Variants in TARS3 observed in about 807,000 individuals in gnomAD.
TARS3 encodes threonine--tRNA ligase 2, cytoplasmic.
TARS3 carries 94 observed loss-of-function variants against 103.5 expected under a neutral mutation model. The ratio of observed to expected loss-of-function variants is 0.91; its 90% CI spans 0.77 to 1.08. TARS3 has a LOEUF of 1.08. Among genes scored for constraint, TARS3 ranks in the 50% least tolerant of loss-of-function variants. The pLI is 0.00. For missense variants in TARS3, 952 were observed against 995.2 expected (o/e 0.96, Z 0.58); for synonymous variants, 416 against 355.4 (o/e 1.17, Z -1.92).
rs28634118 is a variant in TARS3, at chr15:101,653,615, G to C, written c.*967C>G. 3 of 151,952 alleles carry C rather than the reference G, an allele frequency of 2.0e-5. No individual in the cohort carries two copies. The highest frequency in any genetic ancestry group is 4.4e-5 in the Non-Finnish European group (3 of 67,844). 9.4% of individuals were successfully genotyped at this position (151,952 alleles called of 1,614,324 possible). A position where few individuals can be genotyped will look rare whatever the true frequency, so the allele number is the denominator to read the frequency against. On this transcript the variant is annotated 3_prime_UTR_variant, in exon 19 of 19. Coordinates refer to ENST00000335968, the MANE Select transcript of TARS3 (RefSeq NM_152334.3). ...ACACAAGCCTGATATATATTGTTTT[G>C]TTTGCCAACTGTTTCACTGTTCACA...
At chr15:101,712,814 C>G (rs1331149356) in intron 4 of TARS3, among the ~76,000 whole-genome samples, 1 of 152,164 alleles carries the variant, frequency 6.6e-6, no homozygotes, top group Non-Finnish European at 1.5e-5. Context: ...AAGCAAGTTA[C>G]AATTAAAAAG....
At chr15:101,698,523 G>A (rs771032215) in intron 10 of TARS3, among the ~76,000 whole-genome samples, 9 of 151,978 alleles carry the variant, frequency 5.9e-5, no homozygotes, top group Admixed American at 1.3e-4. Context: ...AGTGATGACC[G>A]GTAGATACCA....
At chr15:101,686,800 T>A (rs1342763752) in intron 10 of TARS3, among the ~76,000 whole-genome samples, 1 of 151,870 alleles carries the variant, frequency 6.6e-6, no homozygotes, top group Non-Finnish European at 1.5e-5. Flanking sequence ...TTAATTTGGA[T>A]GAACACAAAA....
intron 16 of TARS3, among the ~76,000 whole-genome samples, chr15:101,661,304 A>T (rs1897368566): frequency 6.6e-6 from 1 of 151,662 alleles, no homozygotes; most frequent in Non-Finnish European, 1.5e-5. Context: ...AGGGAACCCC[A>T]AAGGCAAACA....
rs984054442 is a variant in TARS3 at position 101,690,404 on chromosome 15, G to A, written c.1321-4342C>T. Among the ~76,000 whole-genome samples the A allele has an allele frequency of 9.8e-4, 149 of 152,280 alleles. 1 individual carries two copies. The highest frequency in any genetic ancestry group is 1.8e-4 in the Non-Finnish European group (12 of 68,028). On this transcript the variant is annotated intron_variant, in intron 10 of 18. Transcript: ENST00000335968. ...AAAATAAGGTGTATAAAGAAAACCT[G>A]AACATTTTCTCTCATTCCACCCTTT...
At chr15:101,656,141 T>C in intron 18 of TARS3, 1 of 1,005,618 alleles carries the variant, frequency 9.9e-7, no homozygotes, top group Non-Finnish European at 1.4e-6. Flanking sequence ...GCTCTTCTAG[T>C]GGTTTGGCTA....
intron 10 of TARS3, among the ~76,000 whole-genome samples, chr15:101,696,975 C>A (rs1198244894): frequency 1.3e-5 from 2 of 152,172 alleles, no homozygotes; most frequent in African/African-American, 4.8e-5. Flanking sequence ...GTCTCCACCC[C>A]AAAGTGAACA....
intron 10 of TARS3, among the ~76,000 whole-genome samples, chr15:101,700,684 A>G (rs1380304699): frequency 6.6e-6 from 1 of 150,438 alleles, no homozygotes; most frequent in African/African-American, 2.5e-5. Context: ...TTGCTCTGTC[A>G]CCAGGCTGGA....
Position 101,675,596 on chromosome 15 carries a change from T to C in TARS3, c.1788+4A>G. 1 of 1,612,320 alleles carries C rather than the reference T, an allele frequency of 6.2e-7. No homozygotes were observed. Among genetic ancestry groups the C allele is most frequent in the Non-Finnish European group, 8.5e-7 (1 of 1,179,426 alleles). ...GAAGAGGAAGCACAAGGTGTGTCTCTTACCTTCTCAGCCTCATTCCACATC... is the reference window on the plus strand; with the variant it reads ...GAAGAGGAAGCACAAGGTGTGTCTCCTACCTTCTCAGCCTCATTCCACATC... On this transcript the variant is annotated splice_donor_region_variant and intron_variant, in intron 13 of 18. Coordinates refer to ENST00000335968, the MANE Select transcript of TARS3 (RefSeq NM_152334.3).
rs1331891909 is a variant in TARS3 at position 101,724,128 on chromosome 15, C to A, written c.260G>T (p.Ser87Ile). 7.0e-7 allele frequency: 1 copy of A among 1,419,866 alleles called. No homozygotes were observed. The highest frequency in any genetic ancestry group is 9.2e-7 in the Non-Finnish European group (1 of 1,087,340). The allele number at this position is 1,419,866 out of a possible 1,614,324, so 88.0% of individuals were successfully genotyped here. The change falls in exon 1 of 19, where the codon AGC becomes ATC. Residue 87 changes from serine to isoleucine, a missense_variant. Transcript: ENST00000335968. Reference sequence around the variant, plus strand: ...CTCCTGCGCCGCCTCTAGCTCCGCGCTCTCCAGCGTGGCCTGGCGGCTCCG... The same window carrying A: ...CTCCTGCGCCGCCTCTAGCTCCGCGATCTCCAGCGTGGCCTGGCGGCTCCG... ...EERSRQATLE[S>I]AELEAAQEAG...
rs150865633 is a variant in TARS3 at position 101,717,829 on chromosome 15, G to A, written c.567-2866C>T. Among the ~76,000 whole-genome samples, 1,027 of 152,310 alleles carry A rather than the reference G, an allele frequency of 6.7e-3. 14 individuals carry two copies. The highest frequency in any genetic ancestry group is 0.023 in the African/African-American group (952 of 41,564). ...CTTTGACCATATTCAAGCGACTTGA[G>A]TTTTTTGTGATGTCTTTGTTGTAGC... On this transcript the variant is annotated intron_variant, in intron 3 of 18. Coordinates refer to ENST00000335968, the MANE Select transcript of TARS3 (RefSeq NM_152334.3).
chr15:101,698,592 T>A (rs1899098418), intron 10 of TARS3, among the ~76,000 whole-genome samples: 1 of 152,156 alleles, frequency 6.6e-6, no homozygotes, highest in Admixed American at 6.5e-5. Context: ...CCTTTTTGAG[T>A]AAGACTATCT....
rs142675356 is a variant in TARS3, at chr15:101,710,272, G to A, written c.813-1362C>T. Among the ~76,000 whole-genome samples the A allele has an allele frequency of 4.7e-3, 721 of 152,274 alleles. 7 individuals are homozygous for A. The highest frequency in any genetic ancestry group is 0.031 in the Middle Eastern group (9 of 294). On this transcript the variant is annotated intron_variant, in intron 5 of 18. Coordinates refer to ENST00000335968, the MANE Select transcript of TARS3 (RefSeq NM_152334.3). ...CACCATAAGCATCTTTCATCAGGCT[G>A]TTCATCTCTATCCTTTGTAACATCC...
chr15:101,723,632 A>G (rs1415475031), intron 1 of TARS3, among the ~76,000 whole-genome samples: 3 of 152,232 alleles, frequency 2.0e-5, no homozygotes, highest in Non-Finnish European at 1.5e-5. Context: ...ATATACAGCT[A>G]TCCTCTCAAG....
At chr15:101,705,830 G>A in intron 6 of TARS3, 83 bp from the exon 7 acceptor site, 1 of 1,170,092 alleles carries the variant, frequency 8.5e-7, no homozygotes, top group Non-Finnish European at 1.2e-6. Context: ...AAGAAACATT[G>A]AAAGGTCATC....
At chr15:101,686,123 G>A in intron 10 of TARS3, 61 bp from the exon 11 acceptor site, 1 of 1,411,304 alleles carries the variant, frequency 7.1e-7, no homozygotes, top group South Asian at 1.4e-5. Flanking sequence ...TCCATGCAAA[G>A]TAACACTATG....
Position 101,709,323 on chromosome 15 carries a change from T to C in TARS3, c.813-413A>G, listed in dbSNP as rs564181156. 7.9e-5 allele frequency among the ~76,000 whole-genome samples: 12 copies of C among 151,994 alleles called. No homozygotes were observed. In the South Asian group the frequency reaches 2.5e-3, roughly 32 times the overall value. ...GGAGACATCTGTATGGACTGCAGAG[T>C]CGCGGTGCTCCCAGCAGCACTCAGC... is the stretch of plus-strand genomic sequence containing the variant. On this transcript the variant is annotated intron_variant, in intron 5 of 18. Transcript: ENST00000335968.
intron 2 of TARS3, among the ~76,000 whole-genome samples, 164 bp downstream of exon 2, chr15:101,722,929 T>C (rs780504101): frequency 6.6e-6 from 1 of 152,154 alleles, no homozygotes; most frequent in Non-Finnish European, 1.5e-5. Flanking sequence ...AGCTCATTTC[T>C]CAAGACATCT....
Position 101,656,904 on chromosome 15 carries a change from T to C in TARS3, c.2260+18A>G. On this transcript the variant is annotated intron_variant, in intron 18 of 18. Transcript: ENST00000335968. ...GGAAAAAAAAGCATTTGGAAAAATA[T>C]ATACAAACTTAAATTACCCAAAATA... 4 of 1,514,642 alleles carry C rather than the reference T, an allele frequency of 2.6e-6. No individual in the cohort carries two copies. The highest frequency in any genetic ancestry group is 2.3e-5 in the East Asian group (1 of 44,234). 93.8% of individuals were successfully genotyped at this position (1,514,642 alleles called of 1,614,324 possible).
Sources: allele counts gnomAD v4.1 joint callset (sites outside exome capture counted in the v4.1 genomes callset), GRCh38; gene constraint gnomAD v4.1.1; transcripts MANE v1.5; gene names NCBI Gene and HGNC (gene_info 2026-07-23, HGNC 2026-07-21).